The following COBL variants were observed in gnomAD, a reference collection of about 807,000 sequenced individuals.
COBL encodes the protein protein cordon-bleu.
Under a neutral mutation model 98.8 loss-of-function variants are expected in COBL, and 51 were observed. The observed-to-expected ratio is 0.52, with a 90% CI of 0.41 to 0.65. The LOEUF (loss-of-function observed/expected upper bound fraction) is 0.65. Ranked by LOEUF, COBL falls within the 30% of genes least tolerant of loss-of-function variation. COBL has a pLI of 0.00. For synonymous variants in COBL, 634 were observed against 651.7 expected (o/e 0.97, Z 0.41); for missense variants, 1,617 against 1,617.5 (o/e 1.00, Z 0.01).
chr7:51,134,726 T>A (rs998531610), intron 6 of COBL, among the ~76,000 whole-genome samples: 1 of 152,200 alleles, frequency 6.6e-6, no homozygotes, highest in African/African-American at 2.4e-5. Context: ...GCTATCAATA[T>A]GGTCTGCATA....
intron 8 of COBL, among the ~76,000 whole-genome samples, chr7:51,042,712 C>T (rs1337446340): frequency 6.6e-6 from 1 of 152,164 alleles, no homozygotes; most frequent in Non-Finnish European, 1.5e-5. Context: ...GGCAATTAAT[C>T]CAATATAAGG....
At chr7:51,126,672 C>G (rs1798235406) in intron 6 of COBL, among the ~76,000 whole-genome samples, 2 of 152,142 alleles carry the variant, frequency 1.3e-5, no homozygotes, top group African/African-American at 4.8e-5. Context: ...AGTGACTGAT[C>G]TGGACGTCGT....
chr7:51,121,706 T>C (rs887858771), intron 6 of COBL, among the ~76,000 whole-genome samples: 16 of 152,300 alleles, frequency 1.1e-4, no homozygotes, highest in Admixed American at 4.6e-4. Flanking sequence ...AAGACAGGAA[T>C]TGGATCTTTT....
intron 1 of COBL, among the ~76,000 whole-genome samples, chr7:51,247,270 C>T (rs1010550424): frequency 4.6e-5 from 7 of 152,130 alleles, no homozygotes; most frequent in African/African-American, 1.2e-4. Context: ...TCTCTTCTTT[C>T]GGGGCCACTC....
chr7:51,287,392 T>C (rs112650019), intron 1 of COBL, among the ~76,000 whole-genome samples: 1,641 of 152,296 alleles, frequency 0.011, 24 homozygotes, highest in African/African-American at 0.037. Context: ...AGCTTCGCCA[T>C]CGTTAGCCTT....
chr7:51,215,245 G>A (rs1792919817), intron 2 of COBL, among the ~76,000 whole-genome samples: 1 of 152,148 alleles, frequency 6.6e-6, no homozygotes, highest in Non-Finnish European at 1.5e-5. Flanking sequence ...AAGATAAGCA[G>A]TTCATAGTTT....
chr7:51,108,913 C>CAT (rs1178223921), intron 6 of COBL, among the ~76,000 whole-genome samples: 1 of 141,154 alleles, frequency 7.1e-6, no homozygotes, highest in East Asian at 2.0e-4. Context: ...CACACTGACA[C>CAT]ATAGACACAC....
chr7:51,215,212 G>A (rs1489055612), intron 2 of COBL, among the ~76,000 whole-genome samples: 1 of 152,172 alleles, frequency 6.6e-6, no homozygotes, highest in African/African-American at 2.4e-5. Context: ...GAACGTTTAG[G>A]AAGAATGTGT....
chr7:51,211,519 G>T (rs1436864930), intron 2 of COBL, among the ~76,000 whole-genome samples: 1 of 152,190 alleles, frequency 6.6e-6, no homozygotes, highest in East Asian at 1.9e-4. Flanking sequence ...CTAAATAAAT[G>T]AGTTAATTTG....
intron 1 of COBL, among the ~76,000 whole-genome samples, chr7:51,278,782 G>A: frequency 6.6e-6 from 1 of 152,176 alleles, no homozygotes; most frequent in East Asian, 1.9e-4. Context: ...CTTTTTTACA[G>A]TATGAAAATG....
chr7:51,043,423 G>T lies in COBL; in HGVS notation c.1366C>A (p.Pro456Thr). 6.2e-7 allele frequency: 1 copy of T among 1,614,198 alleles called. No individual in the cohort carries two copies. The highest frequency in any genetic ancestry group is 8.5e-7 in the Non-Finnish European group (1 of 1,180,046). Residue 456 changes from proline to threonine, a missense_variant, in exon 8 of 13, where the codon CCC becomes ACC. Pro to Thr is a conservative substitution (Grantham distance 38, BLOSUM62 -1). This residue lies in a region of COBL where 1,304 missense variants were observed against 1,282.0 expected (regional missense o/e 1.02). Transcript: ENST00000265136. The stretch of plus-strand genomic sequence containing the variant: ...TCAGAGCCATTCTTCTCCCACAAGG[G>T]GCTCTTCTGGGGACCCAGGTCTGGG... ...GTPDLGPQKSPLWEKNGSENS... is the reference protein window; with the variant it reads ...GTPDLGPQKSTLWEKNGSENS...
chr7:51,147,882 C>T (rs997551447), intron 5 of COBL, among the ~76,000 whole-genome samples: 4 of 151,954 alleles, frequency 2.6e-5, no homozygotes, highest in Non-Finnish European at 5.9e-5. Context: ...TCCCAAGTAG[C>T]TGGGAATACA....
intron 1 of COBL, among the ~76,000 whole-genome samples, chr7:51,294,247 T>C (rs1801185885): frequency 6.6e-6 from 1 of 150,564 alleles, no homozygotes; most frequent in East Asian, 2.0e-4. Context: ...GCAGAGATCA[T>C]GCCACTGCAC....
At chr7:51,109,138 C>T (rs1005032231) in intron 6 of COBL, among the ~76,000 whole-genome samples, 6 of 152,216 alleles carry the variant, frequency 3.9e-5, no homozygotes, top group Non-Finnish European at 7.3e-5. Flanking sequence ...CAGCCTCTTC[C>T]CTCCTTGCAC....
chr7:51,073,154 CA>C (rs954440967), intron 7 of COBL: 5 of 399,780 alleles, frequency 1.3e-5, no homozygotes, highest in East Asian at 3.5e-5. Flanking sequence ...TTACCTCCTT[CA>C]AAAAAATATA....
At chr7:51,092,776 G>A (rs1433226095) in intron 6 of COBL, among the ~76,000 whole-genome samples, 2 of 152,066 alleles carry the variant, frequency 1.3e-5, no homozygotes, top group African/African-American at 2.4e-5. Context: ...TGGTTCCACA[G>A]TAATTTAAGA....
intron 1 of COBL, among the ~76,000 whole-genome samples, chr7:51,292,168 G>A (rs1424515150): frequency 6.6e-6 from 1 of 151,840 alleles, no homozygotes; most frequent in Non-Finnish European, 1.5e-5. Context: ...AAAAAAGTGG[G>A]AGAATTGCCA....
At chr7:51,193,775 G>A (rs1790342144) in intron 2 of COBL, among the ~76,000 whole-genome samples, 186 bp from the exon 3 acceptor site, 1 of 152,090 alleles carries the variant, frequency 6.6e-6, no homozygotes, top group Non-Finnish European at 1.5e-5. Context: ...AACATTTTCA[G>A]CACTAACAAA....
intron 1 of COBL, among the ~76,000 whole-genome samples, chr7:51,267,127 G>A (rs1798291639): frequency 6.6e-6 from 1 of 152,124 alleles, no homozygotes; most frequent in Non-Finnish European, 1.5e-5. Context: ...CATGTTGGAA[G>A]AAAACCTTGA....
Sources: gnomAD v4.1 joint callset for allele counts (sites outside exome capture counted in the v4.1 genomes callset) on GRCh38, gnomAD v4.1.1 for gene constraint, gnomAD v4.1.1 regional missense constraint, MANE v1.5 for transcripts, NCBI Gene and HGNC (gene_info 2026-07-23, HGNC 2026-07-21) for gene names.